The following IGSF10 variants were observed in gnomAD, a reference collection of about 807,000 sequenced individuals.
The protein encoded by IGSF10 is calvaria mechanical force protein 608.
In IGSF10, 126 loss-of-function variants were observed where a neutral mutation model predicts 128.2. The ratio of observed to expected loss-of-function variants is 0.98; its 90% CI spans 0.85 to 1.14. The LOEUF is 1.14. Ranked by LOEUF, IGSF10 falls within the 50% of genes most tolerant of loss-of-function variation. The pLI, the probability that IGSF10 is intolerant of heterozygous loss-of-function variation, is 0.00. For synonymous variants in IGSF10, 1,185 were observed against 1,146.2 expected (o/e 1.03, Z -0.68); for missense variants, 3,295 against 3,149.8 (o/e 1.05, Z -1.10).
the IGSF10 span, among the ~76,000 whole-genome samples, chr3:151,522,702 C>A: frequency 2.0e-5 from 3 of 151,996 alleles, no homozygotes; most frequent in Non-Finnish European, 2.9e-5. Context: ...TAATAAGAGC[C>A]ATCTATGACA....
chr3:151,447,393 G>A lies in IGSF10; in HGVS notation c.2588C>T (p.Thr863Ile). The A allele has an allele frequency of 6.2e-7, 1 of 1,614,058 alleles. No individual in the cohort carries two copies. Among genetic ancestry groups the A allele is most frequent in the African/African-American group, 1.3e-5 (1 of 75,052 alleles). Residue 863 changes from threonine to isoleucine, a missense_variant, in exon 6 of 8, where the codon ACT becomes ATT. Transcript: ENST00000282466. ...PEEPTDFKLS[T>I]AIKTTAMSKN... ...TGACATGGCTGTAGTTTTAATAGCA[G>A]TAGACAGTTTGAAATCTGTGGGTTC...
chr3:151,511,769 A>T, the IGSF10 span, among the ~76,000 whole-genome samples: 1 of 152,222 alleles, frequency 6.6e-6, no homozygotes, highest in Non-Finnish European at 1.5e-5. Flanking sequence ...ATGGAGGAAG[A>T]TCTACCAAGC....
At chr3:151,520,473 C>A in the IGSF10 span, among the ~76,000 whole-genome samples, 1 of 151,614 alleles carries the variant, frequency 6.6e-6, no homozygotes, top group African/African-American at 2.4e-5. Flanking sequence ...TGATTAAAAA[C>A]CATACTGTTT....
the IGSF10 span, among the ~76,000 whole-genome samples, chr3:151,535,083 C>T: frequency 6.6e-6 from 1 of 151,972 alleles, no homozygotes; most frequent in East Asian, 1.9e-4. Flanking sequence ...GATACTATCT[C>T]TAAAGGTTTT....
chr3:151,591,789 G>T, the IGSF10 span, among the ~76,000 whole-genome samples: 1 of 152,124 alleles, frequency 6.6e-6, no homozygotes, highest in Non-Finnish European at 1.5e-5. Context: ...GAAAGAGGAA[G>T]AATTTTGCTG....
the IGSF10 span, among the ~76,000 whole-genome samples, chr3:151,501,840 G>A: frequency 6.6e-6 from 1 of 152,002 alleles, no homozygotes; most frequent in Non-Finnish European, 1.5e-5. Context: ...TATCAACATT[G>A]TTTTTGGAAA....
the IGSF10 span, among the ~76,000 whole-genome samples, chr3:151,560,227 A>G: frequency 6.6e-6 from 1 of 152,110 alleles, no homozygotes; most frequent in African/African-American, 2.4e-5. Context: ...TAATATAGGT[A>G]TTTGTACCAG....
chr3:151,538,233 G>T, the IGSF10 span, among the ~76,000 whole-genome samples: 2 of 151,878 alleles, frequency 1.3e-5, no homozygotes, highest in Non-Finnish European at 2.9e-5. Flanking sequence ...GTCACTCCTG[G>T]GACCACCATA....
the IGSF10 span, among the ~76,000 whole-genome samples, chr3:151,503,606 A>T: frequency 6.6e-6 from 1 of 152,220 alleles, no homozygotes; most frequent in South Asian, 2.1e-4. Context: ...AGGATAATTC[A>T]TGACATTTTA....
chr3:151,616,259 G>A, the IGSF10 span, among the ~76,000 whole-genome samples: 1 of 152,178 alleles, frequency 6.6e-6, no homozygotes, highest in South Asian at 2.1e-4. Flanking sequence ...GAGCCACCGT[G>A]CCTGGCACTA....
downstream of IGSF10, chr3:151,434,412 A>G (rs1187442112): frequency 6.6e-6 from 1 of 152,166 alleles, no homozygotes; most frequent in Non-Finnish European, 1.5e-5. Context: ...CACTGTGAAA[A>G]TATTTCACTC....
chr3:151,495,423 T>C, the IGSF10 span, among the ~76,000 whole-genome samples: 1 of 152,132 alleles, frequency 6.6e-6, no homozygotes, highest in Non-Finnish European at 1.5e-5. Flanking sequence ...CTACCACGAA[T>C]GTCAATGAAT....
the IGSF10 span, among the ~76,000 whole-genome samples, chr3:151,530,872 C>T: frequency 8.5e-4 from 130 of 152,270 alleles, no homozygotes; most frequent in East Asian, 0.015. Flanking sequence ...CAATATTAAT[C>T]TTAAATGTAA....
chr3:151,591,225 A>ATTTTTTTTTTTTTTTTTT, the IGSF10 span, among the ~76,000 whole-genome samples: 3 of 151,394 alleles, frequency 2.0e-5, no homozygotes, highest in African/African-American at 7.3e-5. Context: ...TTTTTCTATA[A>ATTTTTTTTTTTTTTTTTT]TTTATTTATG....
At chr3:151,538,112 A>T in the IGSF10 span, among the ~76,000 whole-genome samples, 81 of 152,166 alleles carry the variant, frequency 5.3e-4, no homozygotes, top group African/African-American at 1.8e-3. Flanking sequence ...CGTTTAGTTA[A>T]GGGTCTTCAG....
the IGSF10 span, among the ~76,000 whole-genome samples, chr3:151,564,857 A>G: frequency 6.6e-6 from 1 of 152,182 alleles, no homozygotes; most frequent in Non-Finnish European, 1.5e-5. Flanking sequence ...GTAAATAAAT[A>G]GCCTATAACT....
chr3:151,440,615 C>G (rs1488614077), intron 7 of IGSF10: 1 of 456,734 alleles, frequency 2.2e-6, no homozygotes. Flanking sequence ...ACGCTTTCCA[C>G]CATGCTATAC....
the IGSF10 span, among the ~76,000 whole-genome samples, chr3:151,479,564 G>T: frequency 1.3e-5 from 2 of 152,072 alleles, no homozygotes; most frequent in African/African-American, 4.8e-5. Flanking sequence ...GAAATTCCTG[G>T]CTAATCTCAT....
chr3:151,437,107 A>G lies in IGSF10; in HGVS notation c.7454T>C (p.Leu2485Ser), dbSNP rs772617608. Residue 2485 changes from leucine to serine, a missense_variant, in exon 8 of 8, where the codon TTG becomes TCG. Transcript: ENST00000282466. ...DRPQINGKYI[L>S]HDNGTLVIKE... ...AATGACTAAGGTGCCATTGTCATGCAATATGTATTTCCCATTAATTTGAGG... is the reference window on the plus strand; with the variant it reads ...AATGACTAAGGTGCCATTGTCATGCGATATGTATTTCCCATTAATTTGAGG... The G allele has an allele frequency of 8.7e-6, 14 of 1,614,090 alleles. No homozygotes were observed. Among genetic ancestry groups the G allele is most frequent in the Non-Finnish European group, 1.0e-5 (12 of 1,180,024 alleles).
Sources: allele counts gnomAD v4.1 joint callset (sites outside exome capture counted in the v4.1 genomes callset), GRCh38; gene constraint gnomAD v4.1.1; transcripts MANE v1.5; gene names NCBI Gene and HGNC (gene_info 2026-07-23, HGNC 2026-07-21).